The following CTNNA3 variants were observed in gnomAD, a reference collection of about 807,000 sequenced individuals.
CTNNA3 encodes the protein catenin alpha 3.
CTNNA3 carries 76 observed loss-of-function variants against 95.7 expected under a neutral mutation model. The observed-to-expected ratio is 0.79, with a 90% CI of 0.66 to 0.96. The LOEUF is 0.96. Ranked by LOEUF, CTNNA3 falls within the 40% of genes least tolerant of loss-of-function variation. The probability of loss-of-function intolerance (pLI) is 0.00; values close to 1 mark genes in which losing one functional copy is unlikely to be tolerated. For synonymous variants in CTNNA3, 431 were observed against 374.4 expected (o/e 1.15, Z -1.74); for missense variants, 1,191 against 1,089.8 (o/e 1.09, Z -1.31).
At chr10:67,673,409 T>C (rs1382775072) in intron 1 of CTNNA3, among the ~76,000 whole-genome samples, 8 of 150,438 alleles carry the variant, frequency 5.3e-5, no homozygotes, top group Admixed American at 4.6e-4. Context: ...TGAATAGGAG[T>C]GGTGAGAGAG....
chr10:66,366,643 C>G (rs928549527), intron 12 of CTNNA3, among the ~76,000 whole-genome samples: 1 of 152,128 alleles, frequency 6.6e-6, no homozygotes, highest in Non-Finnish European at 1.5e-5. Flanking sequence ...TGAATTTCTC[C>G]AGCTCCAGAA....
chr10:66,308,475 A>C (rs539567506), intron 12 of CTNNA3, among the ~76,000 whole-genome samples: 169 of 152,326 alleles, frequency 1.1e-3, no homozygotes, highest in African/African-American at 4.0e-3. Flanking sequence ...TTGAGTAAGG[A>C]ATATAAATTT....
At chr10:67,455,710 C>T (rs1847148809) in intron 5 of CTNNA3, among the ~76,000 whole-genome samples, 2 of 152,232 alleles carry the variant, frequency 1.3e-5, no homozygotes, top group South Asian at 4.1e-4. Flanking sequence ...CATTTAAGGG[C>T]CATTCTACAA....
intron 9 of CTNNA3, among the ~76,000 whole-genome samples, chr10:66,758,598 A>C (rs997211914): frequency 2.0e-5 from 3 of 152,120 alleles, no homozygotes; most frequent in African/African-American, 7.2e-5. Context: ...AATCTGGGGA[A>C]GTTTTCAAGT....
In CTNNA3 at chr10:66,716,927, C is replaced by T. The variant is rs569857077; in HGVS notation, c.1281+49337G>A. Reference sequence around the variant, plus strand: ...TGTTTCTGTGAAGGTATTTTACAGACGTGGTGAGCATTTCTTAATCAACTG... The same window carrying T: ...TGTTTCTGTGAAGGTATTTTACAGATGTGGTGAGCATTTCTTAATCAACTG... On this transcript the variant is annotated intron_variant, in intron 9 of 17. Coordinates refer to ENST00000433211, the MANE Select transcript of CTNNA3 (RefSeq NM_013266.4). 3.6e-3 allele frequency among the ~76,000 whole-genome samples: 547 copies of T among 152,006 alleles called. 3 individuals are homozygous for T. Among genetic ancestry groups the T allele is most frequent in the African/African-American group, 0.012 (518 of 41,486 alleles).
Position 67,087,612 on chromosome 10 carries a change from A to C in CTNNA3, c.1047+92705T>G, listed in dbSNP as rs138389976. Among the ~76,000 whole-genome samples, 276 of 152,154 alleles carry C rather than the reference A, an allele frequency of 1.8e-3. 3 individuals carry two copies. Among genetic ancestry groups the C allele is most frequent in the African/African-American group, 5.8e-3 (240 of 41,562 alleles). On this transcript the variant is annotated intron_variant, in intron 7 of 17. Coordinates refer to ENST00000433211, the MANE Select transcript of CTNNA3 (RefSeq NM_013266.4). The stretch of plus-strand genomic sequence containing the variant: ...TAAAATCAAATAAAAAATAAAGTGG[A>C]TCTCAAACATCATAATGCAGTGCCA...
chr10:66,123,135 T>A (rs933975585), intron 13 of CTNNA3, among the ~76,000 whole-genome samples: 1 of 152,176 alleles, frequency 6.6e-6, no homozygotes, highest in Non-Finnish European at 1.5e-5. Flanking sequence ...ACAAGGCAAT[T>A]TCCTTCTGCT....
intron 13 of CTNNA3, among the ~76,000 whole-genome samples, chr10:66,255,057 C>A (rs1440060514): frequency 6.6e-6 from 1 of 152,202 alleles, no homozygotes; most frequent in African/African-American, 2.4e-5. Flanking sequence ...TGAGCAGCAG[C>A]AAAATCAACT....
chr10:66,103,761 T>C (rs1247703958), intron 13 of CTNNA3, among the ~76,000 whole-genome samples: 1 of 152,164 alleles, frequency 6.6e-6, no homozygotes, highest in Non-Finnish European at 1.5e-5. Context: ...GGGTATGTGG[T>C]TTCTCTTTGA....
intron 15 of CTNNA3, among the ~76,000 whole-genome samples, chr10:66,028,799 A>T (rs905852550): frequency 1.3e-5 from 2 of 152,116 alleles, no homozygotes; most frequent in Admixed American, 6.6e-5. Flanking sequence ...AAAGAAAAGG[A>T]ATAGAAGTTA....
intron 11 of CTNNA3, among the ~76,000 whole-genome samples, chr10:66,469,265 T>A (rs547469726): frequency 2.0e-5 from 3 of 152,004 alleles, no homozygotes; most frequent in African/African-American, 7.2e-5. Context: ...GTCAAGGAAT[T>A]TTCAATGAGT....
chr10:67,705,876 C>G (rs964151600), intron 1 of CTNNA3, among the ~76,000 whole-genome samples: 3 of 152,004 alleles, frequency 2.0e-5, no homozygotes, highest in Non-Finnish European at 4.4e-5. Context: ...CAGTTGCCCA[C>G]AGCTTGCAGA....
At chr10:66,918,497 T>G (rs929416823) in intron 7 of CTNNA3, among the ~76,000 whole-genome samples, 3 of 152,154 alleles carry the variant, frequency 2.0e-5, no homozygotes. Flanking sequence ...AATTAATGAA[T>G]AGACTCTTGT....
chr10:66,682,444 G>A (rs1175234270), intron 9 of CTNNA3, among the ~76,000 whole-genome samples: 1 of 152,052 alleles, frequency 6.6e-6, no homozygotes, highest in South Asian at 2.1e-4. Context: ...GATGGCTACA[G>A]ATTAAAATAT....
chr10:67,277,611 G>A (rs1839231974), intron 5 of CTNNA3, among the ~76,000 whole-genome samples: 1 of 152,062 alleles, frequency 6.6e-6, no homozygotes, highest in African/African-American at 2.4e-5. Flanking sequence ...GATGAGATGG[G>A]AAGTCGGCAC....
intron 12 of CTNNA3, among the ~76,000 whole-genome samples, chr10:66,341,373 T>C (rs2092451182): frequency 1.3e-5 from 2 of 151,848 alleles, no homozygotes; most frequent in African/African-American, 4.8e-5. Flanking sequence ...CAAAACCCCA[T>C]ATGTTTGGGT....
intron 9 of CTNNA3, among the ~76,000 whole-genome samples, chr10:66,709,732 C>T (rs554234294): frequency 7.2e-5 from 11 of 152,138 alleles, no homozygotes; most frequent in African/African-American, 2.2e-4. Flanking sequence ...AGGTGACACA[C>T]GGTCATTTCA....
chr10:67,375,432 C>G (rs920857903), intron 5 of CTNNA3, among the ~76,000 whole-genome samples: 4 of 152,044 alleles, frequency 2.6e-5, no homozygotes, highest in Admixed American at 2.0e-4. Flanking sequence ...ATGGCGAAAC[C>G]CTGTCTCTGC....
intron 7 of CTNNA3, among the ~76,000 whole-genome samples, chr10:67,020,398 C>G (rs998054458): frequency 1.3e-5 from 2 of 152,126 alleles, no homozygotes; most frequent in Non-Finnish European, 2.9e-5. Context: ...TTATTATCTT[C>G]TCTTATGAAT....
Sources: gnomAD v4.1 joint callset for allele counts (sites outside exome capture counted in the v4.1 genomes callset) on GRCh38, gnomAD v4.1.1 for gene constraint, MANE v1.5 for transcripts, NCBI Gene and HGNC (gene_info 2026-07-23, HGNC 2026-07-21) for gene names.